CES5A: variants seen among roughly 807,000 people sequenced by gnomAD.
CES5A encodes the protein carboxylesterase 5.
In CES5A, 67 loss-of-function variants were observed where a neutral mutation model predicts 62.9. The ratio of observed to expected loss-of-function variants is 1.07; its 90% CI spans 0.88 to 1.31. CES5A has a LOEUF of 1.31. CES5A is among the 50% of genes most tolerant of loss of function. The pLI, the probability that CES5A is intolerant of heterozygous loss-of-function variation, is 0.00. For missense variants in CES5A, 748 were observed against 708.5 expected (o/e 1.06, Z -0.63); for synonymous variants, 296 against 280.8 (o/e 1.05, Z -0.54).
chr16:55,905,881 G>C (rs2034036337), intron 1 of CES5A, among the ~76,000 whole-genome samples: 1 of 152,170 alleles, frequency 6.6e-6, no homozygotes, highest in African/African-American at 2.4e-5. Flanking sequence ...GGAAAAGGAT[G>C]CTTTTATTTT....
intron 11 of CES5A, among the ~76,000 whole-genome samples, chr16:55,847,433 TTAA>T (rs2033039099): frequency 2.0e-5 from 3 of 152,194 alleles, no homozygotes; most frequent in Non-Finnish European, 4.4e-5. Flanking sequence ...ATTTTTACAA[TTAA>T]TTTTTGTATT....
At chr16:55,929,559 G>A (rs2034289007), upstream of CES5A, among the ~76,000 whole-genome samples, 1 of 152,042 alleles carries the variant, frequency 6.6e-6, no homozygotes, top group Non-Finnish European at 1.5e-5. Context: ...TCAAAATTAG[G>A]GCCAGGCCCA....
intron 1 of CES5A, among the ~76,000 whole-genome samples, chr16:55,881,074 C>T (rs1447841552): frequency 1.3e-5 from 2 of 152,214 alleles, no homozygotes; most frequent in African/African-American, 4.8e-5. Flanking sequence ...CATTTGAGAA[C>T]TATGAATACC....
intron 1 of CES5A, among the ~76,000 whole-genome samples, chr16:55,896,148 C>T (rs1300881629): frequency 6.6e-6 from 1 of 152,194 alleles, no homozygotes; most frequent in Non-Finnish European, 1.5e-5. Context: ...AGCAAAGTCA[C>T]ATCTTACATG....
chr16:55,906,070 C>G (rs1306814761), intron 1 of CES5A, among the ~76,000 whole-genome samples: 1 of 152,140 alleles, frequency 6.6e-6, no homozygotes, highest in Admixed American at 6.5e-5. Context: ...GATTTGAATT[C>G]AGGTCTGTCC....
chr16:55,919,515 G>A (rs1303365957), intron 1 of CES5A, among the ~76,000 whole-genome samples: 8 of 152,052 alleles, frequency 5.3e-5, no homozygotes, highest in African/African-American at 1.9e-4. Context: ...TTGCTCCTAC[G>A]ACTCTCAGCC....
intron 2 of CES5A, among the ~76,000 whole-genome samples, chr16:55,872,177 G>A (rs535668210): frequency 1.1e-3 from 175 of 152,246 alleles, no homozygotes; most frequent in Non-Finnish European, 1.8e-3. Flanking sequence ...GTCCCCAGAT[G>A]CGCAAAGGAA....
chr16:55,880,735 G>T (rs1193828113), intron 1 of CES5A, among the ~76,000 whole-genome samples: 2 of 152,182 alleles, frequency 1.3e-5, no homozygotes, highest in Non-Finnish European at 2.9e-5. Context: ...AGAGGCAAGG[G>T]TAATTACAAG....
chr16:55,860,896 T>C (rs1297673421), intron 7 of CES5A, among the ~76,000 whole-genome samples: 4 of 152,168 alleles, frequency 2.6e-5, no homozygotes, highest in African/African-American at 9.7e-5. Context: ...GGAAGGGACA[T>C]AAAAGATCAC....
At chr16:55,877,036 G>T (rs1156320822), upstream of CES5A, among the ~76,000 whole-genome samples, 1 of 152,182 alleles carries the variant, frequency 6.6e-6, no homozygotes, top group African/African-American at 2.4e-5. Context: ...GACAGACCAT[G>T]AGCTCACCAC....
intron 1 of CES5A, among the ~76,000 whole-genome samples, chr16:55,922,711 C>T (rs575556750): frequency 5.1e-4 from 78 of 152,014 alleles, no homozygotes; most frequent in Non-Finnish European, 1.0e-3. Context: ...ATTTATAAAA[C>T]ATTTCACTTA....
intron 11 of CES5A, among the ~76,000 whole-genome samples, chr16:55,848,535 A>G (rs571534916): frequency 4.6e-5 from 7 of 152,324 alleles, no homozygotes; most frequent in Admixed American, 3.9e-4. Flanking sequence ...TTGATGAAAA[A>G]TAATTCCTTG....
At chr16:55,880,498 C>A (rs546892964) in intron 1 of CES5A, among the ~76,000 whole-genome samples, 2 of 152,298 alleles carry the variant, frequency 1.3e-5, no homozygotes, top group South Asian at 4.1e-4. Flanking sequence ...GAGTAATCTA[C>A]CTTTTTACCC....
At chr16:55,908,939 C>G (rs2034065959) in intron 1 of CES5A, among the ~76,000 whole-genome samples, 1 of 152,194 alleles carries the variant, frequency 6.6e-6, no homozygotes, top group Admixed American at 6.5e-5. Context: ...TCCTTTCTCT[C>G]CATTCCAGAC....
At chr16:55,854,342 C>T (rs758431057) in intron 9 of CES5A, among the ~76,000 whole-genome samples, 2 of 151,942 alleles carry the variant, frequency 1.3e-5, no homozygotes, top group African/African-American at 2.4e-5. Flanking sequence ...CAGTTGTTCC[C>T]CTCACCTATG....
At chr16:55,946,701 C>T (rs115513321) in intron 2 of CES5A, among the ~76,000 whole-genome samples, 13 of 152,288 alleles carry the variant, frequency 8.5e-5, no homozygotes, top group Non-Finnish European at 1.8e-4. Context: ...TAACAAAGCA[C>T]CCCAGTACTC....
chr16:55,877,454 ATGTG>A (rs778731498), upstream of CES5A, among the ~76,000 whole-genome samples: 2 of 113,838 alleles, frequency 1.8e-5, no homozygotes, highest in African/African-American at 6.9e-5. Flanking sequence ...ATATATATGT[ATGTG>A]TGTGTGTGTA....
At chr16:55,873,266 G>C (rs531154254) in intron 2 of CES5A, among the ~76,000 whole-genome samples, 73 of 152,096 alleles carry the variant, frequency 4.8e-4, no homozygotes, top group Non-Finnish European at 9.7e-4. Context: ...TTACCTCCCA[G>C]AGTCCCTGCG....
chr16:55,867,025 C>G (rs2033479845), intron 4 of CES5A, among the ~76,000 whole-genome samples: 1 of 152,120 alleles, frequency 6.6e-6, no homozygotes, highest in Admixed American at 6.5e-5. Context: ...CTGCTCTGCC[C>G]CTCAAAAGCT....
Sources: gnomAD v4.1 joint callset for allele counts (sites outside exome capture counted in the v4.1 genomes callset) on GRCh38, gnomAD v4.1.1 for gene constraint, MANE v1.5 for transcripts, NCBI Gene and HGNC (gene_info 2026-07-23, HGNC 2026-07-21) for gene names.